The following LMAN1L variants were observed in gnomAD, a reference collection of about 807,000 sequenced individuals.
The protein encoded by LMAN1L is lectin, mannose binding 1 like.
A neutral mutation model predicts 58.3 loss-of-function variants in LMAN1L; 60 were observed. The ratio of observed to expected loss-of-function variants is 1.03; its 90% CI spans 0.84 to 1.27. LMAN1L has a LOEUF of 1.27. Among genes scored for constraint, LMAN1L ranks in the 50% most tolerant of loss-of-function variants. The probability of loss-of-function intolerance (pLI) is 0.00; values close to 1 mark genes in which losing one functional copy is unlikely to be tolerated. For missense variants in LMAN1L, 629 were observed against 674.0 expected, an observed-to-expected ratio of 0.93 and a Z score of 0.74; for synonymous variants, 280 against 271.6, an observed-to-expected ratio of 1.03 and a Z score of -0.31.
intron 3 of LMAN1L, 21 bp downstream of exon 3, chr15:74,816,555 T>TGCCAGCCCGCCTGCCC (rs1241840345): frequency 2.3e-5 from 36 of 1,577,580 alleles, no homozygotes; most frequent in Non-Finnish European, 2.9e-5. Flanking sequence ...GTCTCCTGCC[T>TGCCAGCCCGCCTGCCC]GCCAGCCCGC....
In LMAN1L at chr15:74,825,644, C is replaced by T. The variant is rs750478281; in HGVS notation, c.*39C>T. On this transcript the variant is annotated 3_prime_UTR_variant, in exon 14 of 14. Transcript: ENST00000309664. The stretch of plus-strand genomic sequence containing the variant: ...CTGCTTTGCATCACTGGGAAGCAGG[C>T]AGTGTCTTGGGTGGGGGCTTGGTCA... 6.3e-7 allele frequency: 1 copy of T among 1,590,080 alleles called. No homozygotes were observed. The highest frequency in any genetic ancestry group is 2.3e-5 in the East Asian group (1 of 44,300).
At chr15:74,816,404 G>A in intron 2 of LMAN1L, 23 bp from the exon 3 acceptor site, 3 of 1,572,676 alleles carry the variant, frequency 1.9e-6, no homozygotes, top group Non-Finnish European at 2.6e-6. Flanking sequence ...GGTTCCCTGA[G>A]CTGAGGGGCT....
chr15:74,818,688 AAAAC>A, intron 4 of LMAN1L, 26 bp from the exon 5 acceptor site: 1 of 1,554,794 alleles, frequency 6.4e-7, no homozygotes, highest in Non-Finnish European at 8.8e-7. Context: ...CTCTTTCTCA[AAAAC>A]AAACAAATGA....
chr15:74,820,573 GCTCCCCTTGCTT>G (rs1223659108), intron 7 of LMAN1L, 50 bp from the exon 8 acceptor site: 3 of 1,604,956 alleles, frequency 1.9e-6, no homozygotes, highest in Non-Finnish European at 2.6e-6. Flanking sequence ...CTGTGGGAAG[GCTCCCCTTGCTT>G]CTGGATCTCC....
chr15:74,819,623 G>A (rs913530771), intron 6 of LMAN1L: 85 of 488,014 alleles, frequency 1.7e-4, no homozygotes, highest in African/African-American at 1.5e-3. Flanking sequence ...GGCAACCAGA[G>A]CGTGGGAGTC....
In LMAN1L at chr15:74,816,203, G is replaced by A; in HGVS notation, c.222G>A (p.Arg74=). 6.4e-7 allele frequency: 1 copy of A among 1,564,984 alleles called. No individual in the cohort carries two copies. Among genetic ancestry groups the A allele is most frequent in the Non-Finnish European group, 8.7e-7 (1 of 1,155,194 alleles). The part of the protein sequence containing the change: ...LEEVRLTPSM[R]NRSGAVWSRA... ...AAGTGCGGCTGACGCCATCCATGAG[G>A]AACCGGAGTGGCGCCGTGTGGAGCA... Residue 74 remains arginine, a synonymous_variant, in exon 2 of 14, where the codon AGG becomes AGA. Coordinates refer to ENST00000309664, the MANE Select transcript of LMAN1L (RefSeq NM_021819.3).
chr15:74,819,374 C>T, intron 6 of LMAN1L, 102 bp downstream of exon 6: 3 of 1,437,934 alleles, frequency 2.1e-6, no homozygotes, highest in Non-Finnish European at 2.8e-6. Flanking sequence ...GCCACTTCAC[C>T]ACATGACCTG....
intron 10 of LMAN1L, among the ~76,000 whole-genome samples, chr15:74,822,183 T>C (rs1330415646): frequency 6.6e-6 from 1 of 152,098 alleles, no homozygotes; most frequent in African/African-American, 2.4e-5. Flanking sequence ...GGTGAAACCC[T>C]GTCTCTACTG....
chr15:74,820,502 CAG>C, intron 7 of LMAN1L, 131 bp from the exon 8 acceptor site: 1 of 1,186,712 alleles, frequency 8.4e-7, no homozygotes, highest in South Asian at 1.3e-5. Context: ...AGGCAGAACT[CAG>C]AGGGCTGGAA....
chr15:74,819,351 T>C lies in LMAN1L; in HGVS notation c.718+79T>C, dbSNP rs531210371. Reference sequence around the variant, plus strand: ...CCTCAGCACACCTTCTAAAGAGCACTGGGGTGGCGTCAGCCACTTCACCAC... The same window carrying C: ...CCTCAGCACACCTTCTAAAGAGCACCGGGGTGGCGTCAGCCACTTCACCAC... On this transcript the variant is annotated intron_variant, in intron 6 of 13. Coordinates refer to ENST00000309664, the MANE Select transcript of LMAN1L (RefSeq NM_021819.3). 49 of 1,529,468 alleles carry C rather than the reference T, an allele frequency of 3.2e-5. No individual in the cohort carries two copies. In the South Asian group the frequency reaches 5.9e-4, roughly 19 times the overall value. 94.7% of individuals were successfully genotyped at this position (1,529,468 alleles called of 1,614,324 possible).
In LMAN1L at chr15:74,825,574, G is replaced by C. The variant is rs2141118913; in HGVS notation, c.1550G>C (p.Arg517Thr). 6.2e-7 allele frequency: 1 copy of C among 1,612,962 alleles called. No individual in the cohort carries two copies. Among genetic ancestry groups the C allele is most frequent in the Non-Finnish European group, 8.5e-7 (1 of 1,179,380 alleles). ...HTPRALGILRRQPLPASMPA is the reference protein window; with the variant it reads ...HTPRALGILRTQPLPASMPA ...CCCAGGGCCCTGGGGATTCTGAGGAGGCAGCCTCTCCCTGCCAGCATGCCT... is the reference window on the plus strand; with the variant it reads ...CCCAGGGCCCTGGGGATTCTGAGGACGCAGCCTCTCCCTGCCAGCATGCCT... The change falls in exon 14 of 14, where the codon AGG (arginine) becomes ACG (threonine). Residue 517 changes from arginine (R) to threonine (T), a missense_variant. Arg to Thr is a moderately conservative substitution (Grantham distance 71, BLOSUM62 -1). Around this residue, in one of 3 missense-constraint regions of LMAN1L, gnomAD observed 53 missense variants for 59.7 expected, o/e 0.89. Transcript: ENST00000309664.
chr15:74,815,388 G>A (rs2063886075), intron 1 of LMAN1L, among the ~76,000 whole-genome samples: 1 of 152,192 alleles, frequency 6.6e-6, no homozygotes, highest in Non-Finnish European at 1.5e-5. Flanking sequence ...CTCGAGTAGG[G>A]CCTCTGAGTT....
intron 6 of LMAN1L, 97 bp downstream of exon 6, chr15:74,819,369 T>C: frequency 6.9e-7 from 1 of 1,457,262 alleles, no homozygotes; most frequent in Non-Finnish European, 9.2e-7. Context: ...CGTCAGCCAC[T>C]TCACCACATG....
At position 74,822,632 on chromosome 15, in the gene LMAN1L, C is replaced by A. The variant is rs2063922184; in HGVS notation, c.1132-10C>A. ...TCCTGGGCCCTAGACAAGAGGCTGC[C>A]CCTCTGCAGGACTCTGCCAAGGTCG... On this transcript the variant is annotated splice_polypyrimidine_tract_variant and intron_variant, in intron 10 of 13. Coordinates refer to ENST00000309664, the MANE Select transcript of LMAN1L (RefSeq NM_021819.3). 6.2e-7 allele frequency: 1 copy of A among 1,612,126 alleles called. No homozygotes were observed. Among genetic ancestry groups the A allele is most frequent in the Non-Finnish European group, 8.5e-7 (1 of 1,178,376 alleles).
chr15:74,817,716 A>G (rs748239136), intron 4 of LMAN1L, among the ~76,000 whole-genome samples: 16 of 152,046 alleles, frequency 1.1e-4, no homozygotes, highest in Non-Finnish European at 2.1e-4. Context: ...AGTTTAAAAG[A>G]AGGAGGAGGG....
In LMAN1L at chr15:74,818,824, C is replaced by T. The variant is rs756058537; in HGVS notation, c.597+7C>T. 23 of 1,601,320 alleles carry T rather than the reference C, an allele frequency of 1.4e-5. No homozygotes were observed. The highest frequency in any genetic ancestry group is 2.0e-5 in the Non-Finnish European group (23 of 1,173,790). On this transcript the variant is annotated splice_region_variant and intron_variant, in intron 5 of 13. Transcript: ENST00000309664. Reference sequence around the variant, plus strand: ...CTGGGGGCAGAGGCTGCGCGTGAGTCACCCTTCCTGCTTCTGACAGGGCTC... The same window carrying T: ...CTGGGGGCAGAGGCTGCGCGTGAGTTACCCTTCCTGCTTCTGACAGGGCTC...
At chr15:74,813,493 A>C in intron 1 of LMAN1L, 1 of 456,978 alleles carries the variant, frequency 2.2e-6, no homozygotes, top group Non-Finnish European at 4.4e-6. Flanking sequence ...AGTGGGCACC[A>C]GCCCTTCCCT....
At chr15:74,821,317 G>C in intron 9 of LMAN1L, 91 bp downstream of exon 9, 4 of 1,400,076 alleles carry the variant, frequency 2.9e-6, no homozygotes, top group Non-Finnish European at 2.9e-6. Flanking sequence ...CCTAAGGCCT[G>C]GAGGGAAAGG....
chr15:74,819,926 G>A (rs1167829830), intron 6 of LMAN1L, 118 bp from the exon 7 acceptor site: 18 of 895,120 alleles, frequency 2.0e-5, no homozygotes, highest in Middle Eastern at 2.2e-4. Flanking sequence ...AGCATCAGAC[G>A]GTGGCCCAAA....
Sources: allele counts gnomAD v4.1 joint callset (sites outside exome capture counted in the v4.1 genomes callset), GRCh38; gene constraint gnomAD v4.1.1; regional missense constraint gnomAD v4.1.1; transcripts MANE v1.5; gene names NCBI Gene and HGNC (gene_info 2026-07-23, HGNC 2026-07-21).